ST6GALNAC3: variants seen among roughly 807,000 people sequenced by gnomAD.
ST6GALNAC3 encodes ST6 N-acetylgalactosaminide alpha-2,6-sialyltransferase 3, also known as alpha-N-acetylgalactosaminide alpha-2,6-sialyltransferase 3.
In ST6GALNAC3, 25 loss-of-function variants were observed where a neutral mutation model predicts 32.7. The observed-to-expected ratio is 0.76, with a 90% CI of 0.56 to 1.07. The LOEUF (loss-of-function observed/expected upper bound fraction) is 1.07, where lower values mean the gene tolerates loss of function less well. Ranked by LOEUF, ST6GALNAC3 falls within the 50% of genes least tolerant of loss-of-function variation. ST6GALNAC3 has a pLI of 0.00. For synonymous variants in ST6GALNAC3, 129 were observed against 133.1 expected (o/e 0.97, Z 0.21); for missense variants, 355 against 382.4 (o/e 0.93, Z 0.60).
At chr1:76,113,009 C>T (rs1406842651) in intron 1 of ST6GALNAC3, among the ~76,000 whole-genome samples, 6 of 152,138 alleles carry the variant, frequency 3.9e-5, no homozygotes, top group African/African-American at 9.7e-5. Context: ...GAGGTTGTAG[C>T]GAGCCGAGAT....
chr1:76,317,977 T>G (rs969674576), intron 2 of ST6GALNAC3, among the ~76,000 whole-genome samples: 3 of 152,122 alleles, frequency 2.0e-5, no homozygotes, highest in Non-Finnish European at 2.9e-5. Flanking sequence ...ATAGCTGGTT[T>G]GTGAATCTAT....
chr1:76,463,846 G>C (rs1280999230), intron 3 of ST6GALNAC3, among the ~76,000 whole-genome samples: 1 of 151,838 alleles, frequency 6.6e-6, no homozygotes, highest in African/African-American at 2.4e-5. Context: ...CATCTGGTTA[G>C]GTTTAACCAG....
chr1:76,533,851 A>G (rs1415013402), intron 3 of ST6GALNAC3, among the ~76,000 whole-genome samples: 1 of 152,078 alleles, frequency 6.6e-6, no homozygotes, highest in African/African-American at 2.4e-5. Flanking sequence ...GTCTATTGAT[A>G]TATTTATTAT....
intron 3 of ST6GALNAC3, among the ~76,000 whole-genome samples, chr1:76,480,207 A>T (rs1220778491): frequency 2.6e-5 from 4 of 152,204 alleles, no homozygotes; most frequent in Non-Finnish European, 2.9e-5. Context: ...TACTGAACTG[A>T]AATAGATTTG....
chr1:76,474,947 T>A (rs926331180), intron 3 of ST6GALNAC3, among the ~76,000 whole-genome samples: 2 of 152,172 alleles, frequency 1.3e-5, no homozygotes, highest in Non-Finnish European at 2.9e-5. Context: ...TCCCTTTAAA[T>A]AGCACCAAAT....
At chr1:76,436,591 A>C (rs1298727422) in intron 3 of ST6GALNAC3, among the ~76,000 whole-genome samples, 1 of 152,184 alleles carries the variant, frequency 6.6e-6, no homozygotes, top group Non-Finnish European at 1.5e-5. Context: ...TTAACCAAAA[A>C]CATAAATGTT....
chr1:76,624,611 A>G (rs552632734), intron 3 of ST6GALNAC3, among the ~76,000 whole-genome samples: 9 of 152,038 alleles, frequency 5.9e-5, no homozygotes, highest in African/African-American at 2.2e-4. Flanking sequence ...AAGGGACCAC[A>G]TCAAAGGGAG....
chr1:76,254,707 A>G (rs1265674562), intron 1 of ST6GALNAC3, among the ~76,000 whole-genome samples: 1 of 152,048 alleles, frequency 6.6e-6, no homozygotes, highest in Non-Finnish European at 1.5e-5. Flanking sequence ...TTATACATTA[A>G]GCTGGTTTTT....
At chr1:76,144,708 A>AG (rs1650565812) in intron 1 of ST6GALNAC3, among the ~76,000 whole-genome samples, 1 of 152,262 alleles carries the variant, frequency 6.6e-6, no homozygotes, top group Non-Finnish European at 1.5e-5. Flanking sequence ...TCTGTGAAGC[A>AG]AACTAGTCTA....
chr1:76,276,355 A>G (rs1405002577), intron 1 of ST6GALNAC3, among the ~76,000 whole-genome samples: 11 of 152,142 alleles, frequency 7.2e-5, no homozygotes, highest in Non-Finnish European at 1.6e-4. Context: ...CCCTTTATGT[A>G]TACAATCCTA....
intron 3 of ST6GALNAC3, among the ~76,000 whole-genome samples, chr1:76,544,475 CAT>C (rs1664172627): frequency 6.6e-6 from 1 of 152,094 alleles, no homozygotes; most frequent in South Asian, 2.1e-4. Flanking sequence ...GGATTTAAAA[CAT>C]ATCTTGAAAC....
At chr1:76,498,342 G>A (rs1397416577) in intron 3 of ST6GALNAC3, among the ~76,000 whole-genome samples, 1 of 152,098 alleles carries the variant, frequency 6.6e-6, no homozygotes, top group African/African-American at 2.4e-5. Flanking sequence ...AGATTCCCTA[G>A]GAAAAGAGGA....
rs921042931 is a variant in ST6GALNAC3, at chr1:76,632,984, C to T, written c.*4178C>T. 1 of 152,176 alleles carries T rather than the reference C, an allele frequency of 6.6e-6. No homozygotes were observed. Among genetic ancestry groups the T allele is most frequent in the Admixed American group, 6.5e-5 (1 of 15,272 alleles). 9.4% of individuals were successfully genotyped at this position (152,176 alleles called of 1,614,324 possible). On this transcript the variant is annotated 3_prime_UTR_variant, in exon 5 of 5. Coordinates refer to ENST00000328299, the MANE Select transcript of ST6GALNAC3 (RefSeq NM_152996.4). ...GCATATTTAAAAGACAAGACCTCAT[C>T]ATTTCAGTAGTGTACATAGATTAGT...
rs572685668 is a variant in ST6GALNAC3 at position 76,129,717 on chromosome 1, G to A, written c.18+54833G>A. Among the ~76,000 whole-genome samples the A allele has an allele frequency of 1.5e-3, 229 of 152,222 alleles. 1 individual carries two copies. The highest frequency in any genetic ancestry group is 2.8e-3 in the Non-Finnish European group (192 of 68,010). ...AATTCAGTAGGGTACCCAAACTCAT[G>A]GCAAAGATTTTTTTTCCAGGGCAAC... is the stretch of plus-strand genomic sequence containing the variant. On this transcript the variant is annotated intron_variant, in intron 1 of 4. Coordinates refer to ENST00000328299, the MANE Select transcript of ST6GALNAC3 (RefSeq NM_152996.4).
chr1:76,441,672 G>A (rs956242681), intron 3 of ST6GALNAC3, among the ~76,000 whole-genome samples: 1 of 151,828 alleles, frequency 6.6e-6, no homozygotes, highest in Non-Finnish European at 1.5e-5. Flanking sequence ...TTAAATTATT[G>A]ACTATAGTCA....
chr1:76,121,805 C>T (rs935281422), intron 1 of ST6GALNAC3, among the ~76,000 whole-genome samples: 4 of 152,162 alleles, frequency 2.6e-5, no homozygotes, highest in African/African-American at 9.7e-5. Flanking sequence ...AAAAATGTAC[C>T]TGTATTCCTT....
At chr1:76,351,974 T>C (rs1649012898) in intron 2 of ST6GALNAC3, among the ~76,000 whole-genome samples, 1 of 152,162 alleles carries the variant, frequency 6.6e-6, no homozygotes, top group Non-Finnish European at 1.5e-5. Flanking sequence ...TTATAAATGT[T>C]TGTGGCCATC....
chr1:76,356,646 G>T (rs1041817726), intron 2 of ST6GALNAC3, among the ~76,000 whole-genome samples: 1 of 152,120 alleles, frequency 6.6e-6, no homozygotes, highest in Admixed American at 6.5e-5. Flanking sequence ...GATAATGAAA[G>T]TTAACTAAAA....
chr1:76,380,217 G>T (rs1047295765), intron 2 of ST6GALNAC3, among the ~76,000 whole-genome samples: 3 of 152,044 alleles, frequency 2.0e-5, no homozygotes, highest in Non-Finnish European at 4.4e-5. Flanking sequence ...AAGTAAAAGG[G>T]TACTTAACCT....
Sources: allele counts gnomAD v4.1 joint callset (sites outside exome capture counted in the v4.1 genomes callset), GRCh38; gene constraint gnomAD v4.1.1; transcripts MANE v1.5; gene names NCBI Gene and HGNC (gene_info 2026-07-23, HGNC 2026-07-21).